RP1: variants seen among roughly 807,000 people sequenced by gnomAD.
The protein encoded by RP1 is oxygen-regulated protein 1.
A neutral mutation model predicts 14.8 loss-of-function variants in RP1; 16 were observed. The observed-to-expected ratio is 1.08, with a 90% confidence interval of 0.73 to 1.65. The LOEUF is 1.65. Among genes scored for constraint, RP1 ranks in the 40% most tolerant of loss-of-function variants. RP1 has a pLI of 0.00. For synonymous variants in RP1, 876 were observed against 883.6 expected (o/e 0.99, Z 0.15); for missense variants, 2,631 against 2,535.0 (o/e 1.04, Z -0.81).
intron 12 of RP1, among the ~76,000 whole-genome samples, chr8:54,688,716 C>G (rs201170891): frequency 6.6e-6 from 1 of 152,146 alleles, no homozygotes; most frequent in Non-Finnish European, 1.5e-5. Context: ...GTTACTGTAG[C>G]CTTGTAGTAT....
intron 16 of RP1, chr8:54,726,209 A>C (rs2129352655): frequency 1.0e-6 from 1 of 992,636 alleles, no homozygotes; most frequent in East Asian, 2.7e-5. Context: ...TGTAATTCTG[A>C]GTAAAGAGAT....
chr8:54,755,789 T>C lies in RP1; in HGVS notation c.3093+19T>C, dbSNP rs569063865. On this transcript the variant is annotated intron_variant, in intron 21 of 22. Transcript: ENST00000636932. ...AGGACAGGTGAGTCTATACAAATAA[T>C]TTCCCAGATTCTTAACAATCTCTCT... The C allele has an allele frequency of 2.0e-4, 281 of 1,437,272 alleles. 4 individuals are homozygous for C. In the South Asian group the frequency reaches 3.6e-3, roughly 19 times the overall value. The allele number at this position is 1,437,272 out of a possible 1,614,324, so 89.0% of individuals were successfully genotyped here.
chr8:54,667,835 G>A (rs557181465), intron 7 of RP1, among the ~76,000 whole-genome samples: 1 of 151,964 alleles, frequency 6.6e-6, no homozygotes, highest in Non-Finnish European at 1.5e-5. Context: ...CTGAAATTGG[G>A]GCAATAATTA....
chr8:54,847,830 C>G (rs902482082), intron 25 of RP1, among the ~76,000 whole-genome samples: 3 of 152,314 alleles, frequency 2.0e-5, no homozygotes, highest in East Asian at 3.9e-4. Context: ...TTGGGGACAG[C>G]TAAGTAGCCC....
Position 54,709,650 on chromosome 8 carries a change from T to G in RP1, c.2211+2995T>G, listed in dbSNP as rs149322823. On this transcript the variant is annotated intron_variant, in intron 15 of 22. Transcript: ENST00000636932. ...TACACAGAATTTGATATACAGAACATTAAAATAAGAAATATTGCACATAAG... is the reference window on the plus strand; with the variant it reads ...TACACAGAATTTGATATACAGAACAGTAAAATAAGAAATATTGCACATAAG... Among the ~76,000 whole-genome samples, 25 of 152,264 alleles carry G rather than the reference T, an allele frequency of 1.6e-4. No individual in the cohort carries two copies. The East Asian group carries it at 4.8e-3, about 29-fold the overall frequency.
chr8:54,583,412 T>C (rs1293434478), intron 1 of RP1, among the ~76,000 whole-genome samples: 5 of 152,226 alleles, frequency 3.3e-5, no homozygotes, highest in East Asian at 3.8e-4. Context: ...CAGTATTTTA[T>C]TGAGGATTTT....
intron 15 of RP1, among the ~76,000 whole-genome samples, chr8:54,716,439 G>A (rs1039376097): frequency 2.0e-5 from 3 of 151,912 alleles, no homozygotes; most frequent in South Asian, 2.1e-4. Context: ...AAAAGGCCAC[G>A]GGACATAGAC....
At chr8:54,830,206 A>C (rs796506050) in intron 24 of RP1, among the ~76,000 whole-genome samples, 2 of 151,906 alleles carry the variant, frequency 1.3e-5, no homozygotes, top group African/African-American at 4.8e-5. Flanking sequence ...TTTAAGCTCT[A>C]TTAGTAGGTA....
chr8:54,595,320 AG>A (rs1306970085), intron 1 of RP1, among the ~76,000 whole-genome samples: 1 of 152,022 alleles, frequency 6.6e-6, no homozygotes, highest in Non-Finnish European at 1.5e-5. Flanking sequence ...TAGTAGAGAC[AG>A]GGTTTCACTC....
chr8:54,830,282 A>G (rs539703590), intron 24 of RP1, among the ~76,000 whole-genome samples: 1 of 149,408 alleles, frequency 6.7e-6, no homozygotes, highest in South Asian at 2.1e-4. Flanking sequence ...GACCTTCTGT[A>G]TTTCTTTTTT....
At chr8:54,827,827 G>A (rs544053565) in intron 24 of RP1, among the ~76,000 whole-genome samples, 1 of 151,762 alleles carries the variant, frequency 6.6e-6, no homozygotes, top group South Asian at 2.1e-4. Context: ...GAACCGGGAA[G>A]GCGGAGGTAG....
chr8:54,721,222 T>TTG (rs1278336148), intron 16 of RP1, among the ~76,000 whole-genome samples: 1 of 152,236 alleles, frequency 6.6e-6, no homozygotes, highest in Admixed American at 6.5e-5. Flanking sequence ...TTGCAAACTG[T>TTG]TGGGCTAGTA....
chr8:54,593,039 G>A (rs1260885003), intron 1 of RP1, among the ~76,000 whole-genome samples: 2 of 152,174 alleles, frequency 1.3e-5, no homozygotes, highest in African/African-American at 2.4e-5. Flanking sequence ...CAGGGAGAAA[G>A]CTTGAGAATG....
chr8:54,651,042 T>A (rs1449441260), intron 4 of RP1, among the ~76,000 whole-genome samples: 1 of 152,034 alleles, frequency 6.6e-6, no homozygotes, highest in Non-Finnish European at 1.5e-5. Context: ...AGGGGGGCAG[T>A]TTGGCATCAA....
At position 54,562,921 on chromosome 8, in the gene RP1, A is replaced by C. The variant is rs1272387531; in HGVS notation, c.-13+3601A>C. Among the ~76,000 whole-genome samples, 3 of 152,182 alleles carry C rather than the reference A, an allele frequency of 2.0e-5. No homozygotes were observed. In the East Asian group the frequency reaches 5.8e-4, roughly 29 times the overall value. On this transcript the variant is annotated intron_variant, in intron 1 of 22. Transcript: ENST00000636932. ...AATGCCTTCTATTTCTACAGGCTTT[A>C]GCCTGAATGGATAATGCAGTTGCTG...
chr8:54,732,156 A>G (rs1429087894), intron 17 of RP1, among the ~76,000 whole-genome samples: 1 of 152,120 alleles, frequency 6.6e-6, no homozygotes, highest in African/African-American at 2.4e-5. Context: ...AGCCATGCAC[A>G]TGCTGGGAAT....
At chr8:54,720,151 A>G in exon 16 of RP1, 1 of 1,534,922 alleles carries the variant, frequency 6.5e-7, no homozygotes, top group Non-Finnish European at 8.7e-7. Flanking sequence ...GTTGACTGTC[A>G]TTTTAAAATT....
chr8:54,704,117 C>G (rs963530318), intron 14 of RP1, among the ~76,000 whole-genome samples: 1 of 152,136 alleles, frequency 6.6e-6, no homozygotes, highest in Non-Finnish European at 1.5e-5. Flanking sequence ...AGAACTTTTC[C>G]TTTGCATTCA....
At chr8:54,570,636 C>CTT (rs36050577) in intron 1 of RP1, among the ~76,000 whole-genome samples, 98 of 145,244 alleles carry the variant, frequency 6.7e-4, no homozygotes, top group Middle Eastern at 3.6e-3. Context: ...CCTAGGTAAA[C>CTT]TTTTTTTTTT....
Sources: allele counts gnomAD v4.1 joint callset (sites outside exome capture counted in the v4.1 genomes callset), GRCh38; gene constraint gnomAD v4.1.1; transcripts MANE v1.5; gene names NCBI Gene and HGNC (gene_info 2026-07-23, HGNC 2026-07-21).